MPZL1: variants seen among roughly 807,000 people sequenced by gnomAD.
MPZL1 encodes the protein myelin protein zero like 1.
Under a neutral mutation model 29.3 loss-of-function variants are expected in MPZL1, and 16 were observed. That is an observed-to-expected ratio of 0.55 (90% CI 0.37 to 0.83). MPZL1 has a LOEUF of 0.83. Ranked by LOEUF, MPZL1 falls within the 40% of genes least tolerant of loss-of-function variation. The pLI, the probability that MPZL1 is intolerant of heterozygous loss-of-function variation, is 0.00. For missense variants in MPZL1, 279 were observed against 332.9 expected (o/e 0.84, Z 1.26); for synonymous variants, 143 against 132.0 (o/e 1.08, Z -0.57).
Position 167,791,533 on chromosome 1 carries a change from C to A in MPZL1, c.*3612C>A, listed in dbSNP as rs910413591. ...GTGAGTTAACAGTAATTGTACTAAT[C>A]TTAATCCCATTGTTTGAAAGATTAT... On this transcript the variant is annotated 3_prime_UTR_variant, in exon 6 of 6. Coordinates refer to ENST00000359523, the MANE Select transcript of MPZL1 (RefSeq NM_003953.6). 1 of 152,250 alleles carries A rather than the reference C, an allele frequency of 6.6e-6. No individual in the cohort carries two copies. The highest frequency in any genetic ancestry group is 1.5e-5 in the Non-Finnish European group (1 of 68,050). The allele number at this position is 152,250 out of a possible 1,614,324, so 9.4% of individuals were successfully genotyped here.
At chr1:167,742,434 A>G (rs944477708) in intron 1 of MPZL1, among the ~76,000 whole-genome samples, 2 of 152,152 alleles carry the variant, frequency 1.3e-5, no homozygotes, top group African/African-American at 4.8e-5. Context: ...TTCAAATAAA[A>G]AAGATACTTG....
At chr1:167,749,183 A>G (rs1185221407) in intron 1 of MPZL1, among the ~76,000 whole-genome samples, 3 of 152,242 alleles carry the variant, frequency 2.0e-5, no homozygotes, top group Non-Finnish European at 4.4e-5. Flanking sequence ...GTCAGGAAGC[A>G]AAAGTTTCTT....
intron 5 of MPZL1, among the ~76,000 whole-genome samples, chr1:167,781,625 G>T (rs1466671294): frequency 6.9e-6 from 1 of 144,876 alleles, no homozygotes; most frequent in African/African-American, 2.5e-5. Context: ...AAAAAATAAA[G>T]CTCTAAAATT....
intron 5 of MPZL1, among the ~76,000 whole-genome samples, chr1:167,776,779 T>C (rs1661377227): frequency 6.6e-6 from 1 of 152,216 alleles, no homozygotes; most frequent in Non-Finnish European, 1.5e-5. Flanking sequence ...ATTATAACTG[T>C]GGCTTGGCAA....
At chr1:167,772,534 C>T in intron 3 of MPZL1, 46 bp downstream of exon 3, 2 of 1,518,814 alleles carry the variant, frequency 1.3e-6, no homozygotes, top group Non-Finnish European at 1.8e-6. Context: ...TCTCCTTTAT[C>T]TCATGTTTGG....
At chr1:167,777,212 G>T (rs1661388388) in intron 5 of MPZL1, among the ~76,000 whole-genome samples, 1 of 152,178 alleles carries the variant, frequency 6.6e-6, no homozygotes, top group Non-Finnish European at 1.5e-5. Context: ...AGACATGAAA[G>T]TTACATACAC....
intron 1 of MPZL1, among the ~76,000 whole-genome samples, chr1:167,745,793 G>A (rs866987299): frequency 3.3e-5 from 5 of 152,000 alleles, no homozygotes; most frequent in South Asian, 2.1e-4. Flanking sequence ...CCAGGGAGAC[G>A]CTGGAAAACA....
intron 1 of MPZL1, among the ~76,000 whole-genome samples, chr1:167,749,972 T>C (rs903688761): frequency 2.2e-4 from 33 of 152,328 alleles, no homozygotes; most frequent in African/African-American, 7.7e-4. Context: ...GAGCAAATAG[T>C]CCGACATACC....
chr1:167,722,237 G>C lies in MPZL1; in HGVS notation c.86G>C (p.Gly29Ala). 8.1e-7 allele frequency: 1 copy of C among 1,239,192 alleles called. No homozygotes were observed. Among genetic ancestry groups the C allele is most frequent in the Non-Finnish European group, 1.0e-6 (1 of 987,874 alleles). 76.8% of individuals were successfully genotyped at this position (1,239,192 alleles called of 1,614,324 possible). The stretch of plus-strand genomic sequence containing the variant: ...TGGTCGGTGCTGGCGGCGGCGCTTG[G>C]GCTCTGTAAGTGATGCCAGGACCAG... The part of the protein sequence containing the change: ...WLWSVLAAAL[G>A]LLTAGVSALE... The change falls in exon 1 of 6, where the codon GGG becomes GCG. Residue 29 changes from glycine to alanine, a missense_variant. Physicochemically the swap from Gly to Ala is moderately conservative, Grantham distance 60. Transcript: ENST00000359523.
At chr1:167,787,673 C>T in intron 5 of MPZL1, 147 bp from the exon 6 acceptor site, 1 of 595,082 alleles carries the variant, frequency 1.7e-6, no homozygotes, top group Non-Finnish European at 3.1e-6. Flanking sequence ...GATGTATCAT[C>T]CATAAGAAGT....
At chr1:167,744,186 G>A (rs866014204) in intron 1 of MPZL1, among the ~76,000 whole-genome samples, 1 of 151,992 alleles carries the variant, frequency 6.6e-6, no homozygotes, top group Non-Finnish European at 1.5e-5. Context: ...AGAAACTGAG[G>A]CATGGAGGGC....
rs575598935 is a variant in MPZL1, at chr1:167,747,144, TA to T, written c.92-18437del. ...AACACTCATTACCATTTGCAGCCCATAAGCGAATTGTTTTGCATAGAGCCTG... is the reference window on the plus strand; with the variant it reads ...AACACTCATTACCATTTGCAGCCCATAGCGAATTGTTTTGCATAGAGCCTG... On this transcript the variant is annotated intron_variant, in intron 1 of 5. Coordinates refer to ENST00000359523, the MANE Select transcript of MPZL1 (RefSeq NM_003953.6). 4.7e-3 allele frequency among the ~76,000 whole-genome samples: 717 copies of T among 152,340 alleles called. 1 individual carries two copies. Among genetic ancestry groups the T allele is most frequent in the Non-Finnish European group, 7.4e-3 (504 of 68,024 alleles).
At chr1:167,765,846 A>G in intron 2 of MPZL1, 97 bp downstream of exon 2, 1 of 1,204,988 alleles carries the variant, frequency 8.3e-7, no homozygotes, top group Non-Finnish European at 1.1e-6. Flanking sequence ...CATTTCCAAA[A>G]TGAGTGTATT....
chr1:167,772,243 A>G (rs754490850), intron 2 of MPZL1, 32 bp from the exon 3 acceptor site: 5 of 1,542,666 alleles, frequency 3.2e-6, no homozygotes, highest in Non-Finnish European at 4.5e-6. Flanking sequence ...GCCTTTGAGA[A>G]TAGTTCATGT....
rs543864395 is a variant in MPZL1, at chr1:167,743,064, A to G, written c.91+20822A>G. On this transcript the variant is annotated intron_variant, in intron 1 of 5. Coordinates refer to ENST00000359523, the MANE Select transcript of MPZL1 (RefSeq NM_003953.6). ...TTATAGTATGGTTTGAAATCAGGTA[A>G]TGTGATGTCTCCAGATTGTATGCAG... Among the ~76,000 whole-genome samples, 3 of 152,112 alleles carry G rather than the reference A, an allele frequency of 2.0e-5. No individual in the cohort carries two copies. The East Asian group carries it at 5.8e-4, about 29-fold the overall frequency.
chr1:167,758,227 G>A lies in MPZL1; in HGVS notation c.92-7356G>A, dbSNP rs576793765. ...ATGGACCCAGTAGTAACATGACATT[G>A]AATTGCTTCAACCAGTAACAGCTTC... On this transcript the variant is annotated intron_variant, in intron 1 of 5. Coordinates refer to ENST00000359523, the MANE Select transcript of MPZL1 (RefSeq NM_003953.6). Among the ~76,000 whole-genome samples, 40 of 151,888 alleles carry A rather than the reference G, an allele frequency of 2.6e-4. No individual in the cohort carries two copies. The South Asian group carries it at 8.3e-3, about 32-fold the overall frequency.
rs563695537 is a variant in MPZL1 at position 167,754,147 on chromosome 1, G to T, written c.92-11436G>T. ...CAAGTAGCTGAGATTACAGGTGTGC[G>T]CCATGAGGCTCAGCTAATTTTTTTT... On this transcript the variant is annotated intron_variant, in intron 1 of 5. Coordinates refer to ENST00000359523, the MANE Select transcript of MPZL1 (RefSeq NM_003953.6). Among the ~76,000 whole-genome samples, 17 of 151,944 alleles carry T rather than the reference G, an allele frequency of 1.1e-4. No individual in the cohort carries two copies. In the South Asian group the frequency reaches 1.7e-3, roughly 15 times the overall value.
chr1:167,758,200 A>T (rs575843929), intron 1 of MPZL1, among the ~76,000 whole-genome samples: 4 of 152,234 alleles, frequency 2.6e-5, no homozygotes, highest in Admixed American at 1.3e-4. Context: ...AGTATGCTAT[A>T]AATGGACCCA....
chr1:167,767,564 C>T (rs1661142491), intron 2 of MPZL1, among the ~76,000 whole-genome samples: 1 of 152,166 alleles, frequency 6.6e-6, no homozygotes, highest in African/African-American at 2.4e-5. Context: ...TGCAGTTAAT[C>T]CCAGCATGTT....
Sources: allele counts gnomAD v4.1 joint callset (sites outside exome capture counted in the v4.1 genomes callset), GRCh38; gene constraint gnomAD v4.1.1; transcripts MANE v1.5; gene names NCBI Gene and HGNC (gene_info 2026-07-23, HGNC 2026-07-21).